TLN2: variants seen among roughly 807,000 people sequenced by gnomAD.
The protein encoded by TLN2 is talin-2.
Under a neutral mutation model 294.7 loss-of-function variants are expected in TLN2, and 118 were observed. The ratio of observed to expected loss-of-function variants is 0.40; its 90% CI spans 0.34 to 0.47. TLN2 has a LOEUF of 0.47. TLN2 is among the 20% of genes least tolerant of loss of function. The pLI is 0.84. For missense variants in TLN2, 3,083 were observed against 3,282.2 expected, an observed-to-expected ratio of 0.94 and a Z score of 1.48; for synonymous variants, 1,431 against 1,304.5, an observed-to-expected ratio of 1.10 and a Z score of -2.09.
In TLN2 at chr15:62,647,165, C is replaced by A; in HGVS notation, c.-36-110C>A. ...TGTACTCTTTATTTGCTGTTTTATTCTCTTTCCATGTTTAAAGTTGATTTT... is the reference window on the plus strand; with the variant it reads ...TGTACTCTTTATTTGCTGTTTTATTATCTTTCCATGTTTAAAGTTGATTTT... On this transcript the variant is annotated intron_variant, in intron 3 of 58. Coordinates refer to ENST00000636159, the MANE Select transcript of TLN2 (RefSeq NM_015059.3). 3 of 1,057,752 alleles carry A rather than the reference C, an allele frequency of 2.8e-6. No homozygotes were observed. The South Asian group carries it at 5.1e-5, about 18-fold the overall frequency. The allele number at this position is 1,057,752 out of a possible 1,614,324, so 65.5% of individuals were successfully genotyped here. A position where few individuals can be genotyped will look rare whatever the true frequency, so the allele number is the denominator to read the frequency against.
At position 62,711,922 on chromosome 15, in the gene TLN2, C is replaced by T. The variant is rs1175783452; in HGVS notation, c.2479C>T (p.Arg827Cys). The change falls in exon 22 of 59, where the codon CGC becomes TGC. Residue 827 changes from arginine to cysteine, a missense_variant. Arg to Cys is a radical substitution (Grantham distance 180). Transcript: ENST00000636159. The stretch of plus-strand genomic sequence containing the variant: ...ATTCTGTCTTCTAGGTGAAATGGTG[C>T]GCCAGGCGCGGGTTCTGGCCCAAGC... ...SSMGDAGEMV[R>C]QARVLAQATS... The T allele has an allele frequency of 5.0e-6, 8 of 1,606,446 alleles. No homozygotes were observed. The highest frequency in any genetic ancestry group is 1.3e-5 in the African/African-American group (1 of 74,760).
chr15:62,650,286 A>G, intron 5 of TLN2, 105 bp downstream of exon 5: 1 of 1,139,318 alleles, frequency 8.8e-7, no homozygotes, highest in Non-Finnish European at 1.3e-6. Flanking sequence ...CATCTTATTA[A>G]TAGTTCGATG....
At chr15:62,409,567 C>T (rs2033638394) in intron 1 of TLN2, among the ~76,000 whole-genome samples, 1 of 152,160 alleles carries the variant, frequency 6.6e-6, no homozygotes, top group Non-Finnish European at 1.5e-5. Context: ...TAAAAAGTTA[C>T]ATTCATTGTC....
chr15:62,744,339 T>G (rs2061494665), intron 32 of TLN2, among the ~76,000 whole-genome samples: 1 of 152,142 alleles, frequency 6.6e-6, no homozygotes, highest in Admixed American at 6.5e-5. Flanking sequence ...GTCTTGCCTT[T>G]TCCATTAGAT....
intron 42 of TLN2, among the ~76,000 whole-genome samples, 188 bp downstream of exon 42, chr15:62,771,322 A>G (rs370430188): frequency 1.3e-5 from 2 of 152,230 alleles, no homozygotes; most frequent in South Asian, 2.1e-4. Flanking sequence ...AGAAATATAC[A>G]TAAAAGTTAT....
At chr15:62,393,261 A>G (rs2032249515) in intron 1 of TLN2, among the ~76,000 whole-genome samples, 1 of 152,154 alleles carries the variant, frequency 6.6e-6, no homozygotes, top group Non-Finnish European at 1.5e-5. Flanking sequence ...TCTTTTTGGC[A>G]TTGATGTGGA....
At chr15:62,690,885 G>A (rs1236669783) in intron 12 of TLN2, among the ~76,000 whole-genome samples, 1 of 151,706 alleles carries the variant, frequency 6.6e-6, no homozygotes, top group Non-Finnish European at 1.5e-5. Flanking sequence ...GTGGCGGTGC[G>A]CGCCTGCAAT....
chr15:62,547,150 G>A (rs2042039212), intron 1 of TLN2, among the ~76,000 whole-genome samples: 1 of 152,186 alleles, frequency 6.6e-6, no homozygotes, highest in Admixed American at 6.5e-5. Context: ...AAAGATACCT[G>A]CTTTATTCTG....
chr15:62,408,749 C>A (rs1287679588), intron 1 of TLN2, among the ~76,000 whole-genome samples: 1 of 152,106 alleles, frequency 6.6e-6, no homozygotes, highest in East Asian at 1.9e-4. Flanking sequence ...TGCCCAATAC[C>A]TGGAGATTTT....
chr15:62,467,135 T>C (rs1337424313), intron 1 of TLN2, among the ~76,000 whole-genome samples: 1 of 152,168 alleles, frequency 6.6e-6, no homozygotes, highest in Non-Finnish European at 1.5e-5. Flanking sequence ...GTGAACTGGA[T>C]GGATGTAAAG....
chr15:62,523,919 C>T (rs547387379), intron 1 of TLN2, among the ~76,000 whole-genome samples: 1 of 152,188 alleles, frequency 6.6e-6, no homozygotes, highest in East Asian at 1.9e-4. Context: ...ACATACCGAT[C>T]CCAGCTGGGA....
In TLN2 at chr15:62,753,882, A is replaced by C; in HGVS notation, c.4442A>C (p.Gln1481Pro). ...AACCAGGCCATCCAGATGGCATGCC[A>C]GAACTTGGTGGACCCTGGCAGCAGC... ...RANQAIQMACQNLVDPGSSPS... is the reference protein window; with the variant it reads ...RANQAIQMACPNLVDPGSSPS... The change falls in exon 36 of 59, where the codon CAG (glutamine) becomes CCG (proline). Residue 1481 changes from glutamine (Q) to proline (P), a missense_variant. Coordinates refer to ENST00000636159, the MANE Select transcript of TLN2 (RefSeq NM_015059.3). 1 of 1,609,576 alleles carries C rather than the reference A, an allele frequency of 6.2e-7. No individual in the cohort carries two copies. Among genetic ancestry groups the C allele is most frequent in the Non-Finnish European group, 8.5e-7 (1 of 1,178,054 alleles).
intron 8 of TLN2, among the ~76,000 whole-genome samples, chr15:62,657,422 T>C (rs1234224239): frequency 6.6e-6 from 1 of 152,192 alleles, no homozygotes; most frequent in African/African-American, 2.4e-5. Context: ...AAAAGTACAC[T>C]GTATTTGTCT....
In TLN2 at chr15:62,738,283, G is replaced by A. The variant is rs375284991; in HGVS notation, c.3637G>A (p.Val1213Met). The A allele has an allele frequency of 2.4e-5, 38 of 1,614,164 alleles. No homozygotes were observed. The highest frequency in any genetic ancestry group is 4.5e-5 in the East Asian group (2 of 44,876). The change falls in exon 30 of 59, where the codon GTG becomes ATG. Residue 1213 changes from valine to methionine, a missense_variant. By Grantham distance (21) the Val-to-Met change is conservative. Coordinates refer to ENST00000636159, the MANE Select transcript of TLN2 (RefSeq NM_015059.3). ...CCTCCCTGGGCAGAAGGATGTGGAC[G>A]TGGCCTTGAAGAGCATCGGGGAGTC... ...NCLPGQKDVD[V>M]ALKSIGESSK...
At chr15:62,749,318 A>C (rs990009549) in intron 33 of TLN2, among the ~76,000 whole-genome samples, 1 of 152,232 alleles carries the variant, frequency 6.6e-6, no homozygotes, top group East Asian at 1.9e-4. Flanking sequence ...AAAACAGTTG[A>C]GAATGTTTCT....
Position 62,738,216 on chromosome 15 carries a change from G to A in TLN2, c.3570G>A (p.Val1190=). The A allele has an allele frequency of 6.2e-7, 1 of 1,613,662 alleles. No individual in the cohort carries two copies. Among genetic ancestry groups the A allele is most frequent in the Non-Finnish European group, 8.5e-7 (1 of 1,179,806 alleles). Residue 1190 remains valine, a splice_region_variant and synonymous_variant, in exon 30 of 59, where the codon GTG becomes GTA. Coordinates refer to ENST00000636159, the MANE Select transcript of TLN2 (RefSeq NM_015059.3). ...CTTCTCTCTCTCCACGAATTCAGGT[G>A]GCTAAAGCCGTCTCACACTCCTTGA... is the stretch of plus-strand genomic sequence containing the variant. ...DAERQQRLAQ[V]AKAVSHSLNN... is the part of the protein sequence containing the mutation.
intron 1 of TLN2, among the ~76,000 whole-genome samples, chr15:62,514,104 C>A (rs535211441): frequency 6.6e-6 from 1 of 152,340 alleles, no homozygotes; most frequent in South Asian, 2.1e-4. Flanking sequence ...ACACACTGTA[C>A]CTAGCTGCTT....
intron 3 of TLN2, among the ~76,000 whole-genome samples, chr15:62,639,664 T>C (rs2050781517): frequency 6.6e-6 from 1 of 152,194 alleles, no homozygotes; most frequent in Non-Finnish European, 1.5e-5. Context: ...ACATGAGCTG[T>C]GTTCATTGCT....
chr15:62,616,230 G>T (rs937019575), intron 2 of TLN2, among the ~76,000 whole-genome samples: 1 of 152,120 alleles, frequency 6.6e-6, no homozygotes, highest in African/African-American at 2.4e-5. Context: ...ACCTTTCCCA[G>T]TGTGACTATG....
Sources: allele counts gnomAD v4.1 joint callset (sites outside exome capture counted in the v4.1 genomes callset), GRCh38; gene constraint gnomAD v4.1.1; transcripts MANE v1.5; gene names NCBI Gene and HGNC (gene_info 2026-07-23, HGNC 2026-07-21).